The following DBNL variants were observed in gnomAD, a reference collection of about 807,000 sequenced individuals.
The protein encoded by DBNL is drebrin like.
A neutral mutation model predicts 62.2 loss-of-function variants in DBNL; 35 were observed. The ratio of observed to expected loss-of-function variants is 0.56; its 90% CI spans 0.43 to 0.75. The LOEUF (loss-of-function observed/expected upper bound fraction) is 0.75. DBNL is among the 30% of genes least tolerant of loss of function. The probability of loss-of-function intolerance (pLI) is 0.00; values close to 1 mark genes in which losing one functional copy is unlikely to be tolerated. For synonymous variants in DBNL, 197 were observed against 218.0 expected (o/e 0.90, Z 0.85); for missense variants, 495 against 578.4 (o/e 0.86, Z 1.48).
intron 2 of DBNL, 90 bp downstream of exon 2, chr7:44,050,370 A>T: frequency 7.0e-7 from 1 of 1,422,252 alleles, no homozygotes; most frequent in Non-Finnish European, 9.9e-7. Context: ...TGGTCCACTG[A>T]GCCACATGGG....
At chr7:44,053,042 G>A (rs1391040825) in intron 4 of DBNL, 101 bp downstream of exon 4, 4 of 1,441,306 alleles carry the variant, frequency 2.8e-6, no homozygotes, top group African/African-American at 2.8e-5. Context: ...ACTGGAGTTG[G>A]GAGTGTGCTC....
chr7:44,063,613 C>T lies in DBNL; in HGVS notation c.*2697C>T, dbSNP rs2096153322. 1 of 156,906 alleles carries T rather than the reference C, an allele frequency of 6.4e-6. No individual in the cohort carries two copies. The highest frequency in any genetic ancestry group is 1.4e-5 in the Non-Finnish European group (1 of 70,700). 9.7% of individuals were successfully genotyped at this position (156,906 alleles called of 1,614,324 possible). ...TTTCTAAAGTGCTCTAAATTCTAGA[C>T]ATCCTGAACAGAGGAGCAAGTGCGG... On this transcript the variant is annotated 3_prime_UTR_variant, in exon 13 of 13. Transcript: ENST00000448521.
In DBNL at chr7:44,064,910, G is replaced by A; in HGVS notation, c.*3994G>A. On this transcript the variant is annotated 3_prime_UTR_variant, in exon 13 of 13. Coordinates refer to ENST00000448521, the MANE Select transcript of DBNL (RefSeq NM_001014436.3). The stretch of plus-strand genomic sequence containing the variant: ...ACTCGCTTGCCGGCCTTGATCTGGG[G>A]AACAATCTCCTCGTTCCAGAAGGGC... The A allele has an allele frequency of 1.2e-6, 2 of 1,611,420 alleles. No individual in the cohort carries two copies. The highest frequency in any genetic ancestry group is 1.7e-6 in the Non-Finnish European group (2 of 1,179,720).
chr7:44,049,794 G>A (rs144436206), intron 1 of DBNL: 20 of 160,306 alleles, frequency 1.2e-4, no homozygotes, highest in African/African-American at 4.1e-4. Flanking sequence ...GTATTTCTCC[G>A]ACTTGCTTCT....
chr7:44,058,690 G>T, intron 8 of DBNL: 1 of 812,192 alleles, frequency 1.2e-6, no homozygotes, highest in African/African-American at 1.7e-5. Context: ...TCCTGGGGGA[G>T]GCCCTGGGAG....
chr7:44,058,248 T>C lies in DBNL; in HGVS notation c.672T>C (p.Tyr224=). ...LREAARREQR[Y]QEQGGEASPQ... is the part of the protein sequence containing the mutation. ...AGGCTGCACGCCGGGAGCAGCGCTA[T>C]CAGGAGCAGGGTGGCGAGGCCAGCC... The change falls in exon 7 of 13, where the codon TAT becomes TAC. Residue 224 remains tyrosine (Y), a synonymous_variant. Transcript: ENST00000448521. 3.8e-6 allele frequency: 6 copies of C among 1,579,464 alleles called. No homozygotes were observed. Among genetic ancestry groups the C allele is most frequent in the Non-Finnish European group, 5.2e-6 (6 of 1,163,904 alleles).
At position 44,052,941 on chromosome 7, in the gene DBNL, G is replaced by A. The variant is rs2096129218; in HGVS notation, c.327G>A (p.Lys109=). 3 of 1,612,270 alleles carry A rather than the reference G, an allele frequency of 1.9e-6. No homozygotes were observed. Among genetic ancestry groups the A allele is most frequent in the Non-Finnish European group, 2.5e-6 (3 of 1,179,740 alleles). ...TCAGCACCATGGCCAGCTTCCTGAA[G>A]GTAAGGCCAGGTGAGGCCCGCTTCA... ...SHVSTMASFL[K]GAHVTINARA... The change falls in exon 4 of 13, where the codon AAG becomes AAA. Residue 109 remains lysine (K), a splice_region_variant and synonymous_variant. Coordinates refer to ENST00000448521, the MANE Select transcript of DBNL (RefSeq NM_001014436.3).
At position 44,058,492 on chromosome 7, in the gene DBNL, G is replaced by A. The variant is rs368251530; in HGVS notation, c.753+12G>A. ...ACCGAAATGAGCAGGTAAGATGGGGGTGCTCTACTTGTTTGGACCTGTCCT... is the reference window on the plus strand; with the variant it reads ...ACCGAAATGAGCAGGTAAGATGGGGATGCTCTACTTGTTTGGACCTGTCCT... On this transcript the variant is annotated intron_variant, in intron 8 of 12. Transcript: ENST00000448521. 6.2e-7 allele frequency: 1 copy of A among 1,613,916 alleles called. No homozygotes were observed. The highest frequency in any genetic ancestry group is 1.3e-5 in the African/African-American group (1 of 74,936).
rs187125901 is a variant in DBNL at position 44,049,093 on chromosome 7, G to A, written c.84-1132G>A. On this transcript the variant is annotated intron_variant, in intron 1 of 12. Coordinates refer to ENST00000448521, the MANE Select transcript of DBNL (RefSeq NM_001014436.3). Reference sequence around the variant, plus strand: ...TGGTCTCAAACTCCTGGGCTCAAGCGACCCTCCTGCCTCAGCCTCCCAAAG... The same window carrying A: ...TGGTCTCAAACTCCTGGGCTCAAGCAACCCTCCTGCCTCAGCCTCCCAAAG... Among the ~76,000 whole-genome samples the A allele has an allele frequency of 6.7e-3, 1,017 of 151,998 alleles. 8 individuals are homozygous for A. The highest frequency in any genetic ancestry group is 0.023 in the African/African-American group (974 of 41,472).
Position 44,064,929 on chromosome 7 carries a change from G to A in DBNL, c.*4013G>A. The A allele has an allele frequency of 6.2e-7, 1 of 1,610,688 alleles. No individual in the cohort carries two copies. The highest frequency in any genetic ancestry group is 8.5e-7 in the Non-Finnish European group (1 of 1,179,728). On this transcript the variant is annotated 3_prime_UTR_variant, in exon 13 of 13. Transcript: ENST00000448521. ...TCTGGGGAACAATCTCCTCGTTCCA[G>A]AAGGGCAGGGCCCGGGCAATGGTGT...
chr7:44,060,636 A>G lies in DBNL; in HGVS notation c.1154-141A>G. ...GGTGCAGTGTTGGCCAAGGCTTAGCAGGGTGGCAGGGATATTTCTGAGGAG... is the reference window on the plus strand; with the variant it reads ...GGTGCAGTGTTGGCCAAGGCTTAGCGGGGTGGCAGGGATATTTCTGAGGAG... On this transcript the variant is annotated intron_variant, in intron 12 of 12. Coordinates refer to ENST00000448521, the MANE Select transcript of DBNL (RefSeq NM_001014436.3). The surrounding 1 kb of genome is among the most constrained non-coding windows in gnomAD (Gnocchi z 6.3). 8.0e-7 allele frequency: 1 copy of G among 1,256,942 alleles called. No homozygotes were observed. Among genetic ancestry groups the G allele is most frequent in the Non-Finnish European group, 1.1e-6 (1 of 917,792 alleles). The allele number at this position is 1,256,942 out of a possible 1,614,324, so 77.9% of individuals were successfully genotyped here. A position where few individuals can be genotyped will look rare whatever the true frequency, so the allele number is the denominator to read the frequency against.
Position 44,056,759 on chromosome 7 carries a change from G to T in DBNL, c.330G>T (p.Gly110=). The T allele has an allele frequency of 6.2e-7, 1 of 1,613,892 alleles. No individual in the cohort carries two copies. The highest frequency in any genetic ancestry group is 1.3e-5 in the African/African-American group (1 of 75,024). Residue 110 remains glycine, a splice_region_variant and synonymous_variant, in exon 5 of 13, where the codon GGG becomes GGT. Transcript: ENST00000448521. ...TTCAAGTGCTGCTCCTGCTGCAGGG[G>T]GCCCATGTGACCATCAACGCACGGG... ...HVSTMASFLK[G]AHVTINARAE... is the part of the protein sequence containing the mutation.
At position 44,059,316 on chromosome 7, in the gene DBNL, G is replaced by C; in HGVS notation, c.836-38G>C. The C allele has an allele frequency of 6.2e-7, 1 of 1,605,936 alleles. No individual in the cohort carries two copies. Among genetic ancestry groups the C allele is most frequent in the Non-Finnish European group, 8.5e-7 (1 of 1,174,080 alleles). ...GTGGGGTGCGTGGGTGTGTGGTGGT[G>C]TTTCTGAAGTGATGTATATATTTAC... On this transcript the variant is annotated intron_variant, in intron 9 of 12. Transcript: ENST00000448521. This position sits in a 1 kb window ranked among gnomAD's most constrained non-coding sequence, Gnocchi z 4.1.
At chr7:44,044,895 T>G in intron 1 of DBNL, 75 bp downstream of exon 1, 4 of 1,301,988 alleles carry the variant, frequency 3.1e-6, no homozygotes, top group South Asian at 3.5e-5. Flanking sequence ...AGCGGGGGAC[T>G]CGGGGGGAGC....
intron 4 of DBNL, among the ~76,000 whole-genome samples, chr7:44,053,213 G>C (rs183309335): frequency 1.3e-5 from 2 of 152,330 alleles, no homozygotes; most frequent in African/African-American, 2.4e-5. Context: ...CGTGAGAAGG[G>C]TGGGCCCTGG....
Position 44,064,763 on chromosome 7 carries a change from T to C in DBNL, c.*3847T>C. On this transcript the variant is annotated 3_prime_UTR_variant, in exon 13 of 13. Coordinates refer to ENST00000448521, the MANE Select transcript of DBNL (RefSeq NM_001014436.3). ...AGCCTGGTCCATGGGCGAGAGACTT[T>C]GCTGAGATGAGAAGCCAGCTGGGGC... 1 of 1,375,240 alleles carries C rather than the reference T, an allele frequency of 7.3e-7. No homozygotes were observed. Among genetic ancestry groups the C allele is most frequent in the Non-Finnish European group, 1.0e-6 (1 of 997,286 alleles). The allele number at this position is 1,375,240 out of a possible 1,614,324, so 85.2% of individuals were successfully genotyped here.
chr7:44,045,675 T>C (rs1232836458), intron 1 of DBNL, among the ~76,000 whole-genome samples: 1 of 152,268 alleles, frequency 6.6e-6, no homozygotes, highest in East Asian at 1.9e-4. Context: ...CCCTCCCAAC[T>C]GTCTTCCCCT....
Position 44,065,546 on chromosome 7 carries a change from A to G in DBNL, c.*4630A>G, listed in dbSNP as rs1429877232. On this transcript the variant is annotated 3_prime_UTR_variant, in exon 13 of 13. Coordinates refer to ENST00000448521, the MANE Select transcript of DBNL (RefSeq NM_001014436.3). Reference sequence around the variant, plus strand: ...AGTGGCCATGGTGGCAGCAGGGACCACAGAGGACTCTGGACGGGGACGGCT... The same window carrying G: ...AGTGGCCATGGTGGCAGCAGGGACCGCAGAGGACTCTGGACGGGGACGGCT... 6.2e-7 allele frequency: 1 copy of G among 1,612,920 alleles called. No homozygotes were observed.
rs2096140047 is a variant in DBNL, at chr7:44,058,137, G to A, written c.561G>A (p.Glu187=). 1.3e-6 allele frequency: 2 copies of A among 1,556,048 alleles called. No individual in the cohort carries two copies. The change falls in exon 7 of 13, where the codon GAG becomes GAA. Residue 187 remains glutamate (E), a synonymous_variant. Coordinates refer to ENST00000448521, the MANE Select transcript of DBNL (RefSeq NM_001014436.3). ...AGTGGCTCTCCCTGCAGAAGGAGGA[G>A]GAGAACCGTCGGCTGGAGGAAAAGC... The part of the protein sequence containing the change: ...DSFWAKAEKE[E]ENRRLEEKRR...
Sources: allele counts gnomAD v4.1 joint callset (sites outside exome capture counted in the v4.1 genomes callset), GRCh38; gene constraint gnomAD v4.1.1; non-coding constraint Gnocchi (gnomAD v3.1); transcripts MANE v1.5; gene names NCBI Gene and HGNC (gene_info 2026-07-23, HGNC 2026-07-21).